The following TXNRD3 variants were observed in gnomAD, a reference collection of about 807,000 sequenced individuals.
TXNRD3 encodes the protein thioredoxin reductase 3, also known as TXNRD3 neighbor gene protein.
Under a neutral mutation model 78.2 loss-of-function variants are expected in TXNRD3, and 68 were observed. The observed-to-expected ratio is 0.87, with a 90% CI of 0.72 to 1.06. TXNRD3 has a LOEUF of 1.06. TXNRD3 is among the 50% of genes least tolerant of loss of function. TXNRD3 has a pLI of 0.00. For synonymous variants in TXNRD3, 296 were observed against 300.1 expected, an observed-to-expected ratio of 0.99 and a Z score of 0.14; for missense variants, 751 against 809.5, an observed-to-expected ratio of 0.93 and a Z score of 0.88.
At chr3:126,608,383 T>A in intron 15 of TXNRD3, 116 bp downstream of exon 15, 2 of 1,162,950 alleles carry the variant, frequency 1.7e-6, no homozygotes, top group South Asian at 4.2e-5. Flanking sequence ...TGAAATAAAA[T>A]AAATTTAAAA....
Position 126,633,810 on chromosome 3 carries a change from T to C in TXNRD3, c.855+99A>G. On this transcript the variant is annotated intron_variant, in intron 7 of 15. Coordinates refer to ENST00000524230, the MANE Select transcript of TXNRD3 (RefSeq NM_052883.3). ...GTGTGTGTGTGTGTGCACGCACGCC[T>C]GTTACACCCCTTAACATGCAACATG... 4.2e-6 allele frequency: 4 copies of C among 956,834 alleles called. No homozygotes were observed. In the South Asian group the frequency reaches 1.1e-4, roughly 27 times the overall value. The allele number at this position is 956,834 out of a possible 1,614,324, so 59.3% of individuals were successfully genotyped here.
At chr3:126,635,918 T>G (rs923274034) in intron 6 of TXNRD3, among the ~76,000 whole-genome samples, 5 of 151,996 alleles carry the variant, frequency 3.3e-5, no homozygotes, top group Non-Finnish European at 7.4e-5. Flanking sequence ...CACACACACA[T>G]ATATACAAAC....
In TXNRD3 at chr3:126,654,856, G is replaced by A; in HGVS notation, c.135C>T (p.Pro45=). The stretch of plus-strand genomic sequence containing the variant: ...CCTCGCGGGCCTCGGACGAGCGGCT[G>A]GGCCCGGGGGACGACAGGCGGGCAC... The change falls in exon 1 of 16, where the codon CCC becomes CCT. Residue 45 remains proline, a synonymous_variant. Transcript: ENST00000524230. 1 of 1,349,002 alleles carries A rather than the reference G, an allele frequency of 7.4e-7. No homozygotes were observed. Among genetic ancestry groups the A allele is most frequent in the Non-Finnish European group, 9.5e-7 (1 of 1,057,356 alleles). The allele number at this position is 1,349,002 out of a possible 1,614,324, so 83.6% of individuals were successfully genotyped here.
At chr3:126,643,151 A>G (rs562477864) in intron 5 of TXNRD3, among the ~76,000 whole-genome samples, 149 of 152,012 alleles carry the variant, frequency 9.8e-4, no homozygotes, top group African/African-American at 3.4e-3. Context: ...TAAAATCCCA[A>G]CTCCACTCTT....
At chr3:126,627,002 C>T (rs889099161) in intron 10 of TXNRD3, among the ~76,000 whole-genome samples, 4 of 151,976 alleles carry the variant, frequency 2.6e-5, no homozygotes, top group Non-Finnish European at 1.5e-5. Context: ...TTGGGAGGAT[C>T]ATTTGAGCCA....
chr3:126,622,039 G>T, intron 11 of TXNRD3, 141 bp from the exon 12 acceptor site: 1 of 640,280 alleles, frequency 1.6e-6, no homozygotes, highest in Non-Finnish European at 2.4e-6. Context: ...TATATATAAG[G>T]TCAATGACTT....
Position 126,628,476 on chromosome 3 carries a change from T to A in TXNRD3, c.1290+903A>T, listed in dbSNP as rs371649445. ...ATTTTTCAGTAAGAGTTTAGCAAGATTACTGAATACTAAATCAAAACACAA... is the reference window on the plus strand; with the variant it reads ...ATTTTTCAGTAAGAGTTTAGCAAGAATACTGAATACTAAATCAAAACACAA... On this transcript the variant is annotated intron_variant, in intron 10 of 15. Transcript: ENST00000524230. Among the ~76,000 whole-genome samples, 7 of 152,224 alleles carry A rather than the reference T, an allele frequency of 4.6e-5. No individual in the cohort carries two copies. The South Asian group carries it at 8.3e-4, about 18-fold the overall frequency.
chr3:126,632,391 T>C (rs1365013868), intron 7 of TXNRD3, among the ~76,000 whole-genome samples: 1 of 152,090 alleles, frequency 6.6e-6, no homozygotes, highest in Non-Finnish European at 1.5e-5. Context: ...AAATACATTT[T>C]CATTTTAAAA....
At chr3:126,650,370 C>T (rs1038773259) in intron 1 of TXNRD3, among the ~76,000 whole-genome samples, 2 of 149,620 alleles carry the variant, frequency 1.3e-5, no homozygotes, top group East Asian at 2.0e-4. Context: ...TGGCCAGGCA[C>T]GGTGGCTCAC....
chr3:126,654,687 G>A (rs1478822908), intron 1 of TXNRD3, 61 bp downstream of exon 1: 10 of 1,154,602 alleles, frequency 8.7e-6, no homozygotes, highest in South Asian at 3.8e-5. Flanking sequence ...GCCCTGCCCC[G>A]GGTGGCGTCC....
intron 10 of TXNRD3, among the ~76,000 whole-genome samples, chr3:126,622,790 A>T (rs1224900251): frequency 6.6e-6 from 1 of 152,194 alleles, no homozygotes; most frequent in African/African-American, 2.4e-5. Context: ...CCTATCTCTA[A>T]GTACCTCCAA....
rs1157007406 is a variant in TXNRD3, at chr3:126,646,150, C to T, written c.375G>A (p.Val125=). 3 of 1,533,702 alleles carry T rather than the reference C, an allele frequency of 2.0e-6. No homozygotes were observed. The highest frequency in any genetic ancestry group is 2.6e-6 in the Non-Finnish European group (3 of 1,145,972). The change falls in exon 3 of 16, where the codon GTG becomes GTA. Residue 125 remains valine, a synonymous_variant. Coordinates refer to ENST00000524230, the MANE Select transcript of TXNRD3 (RefSeq NM_052883.3). ...CACATCCACCTACATGCACTTTATTCACGAAAATATTGGGCACAGTTTTCT... is the reference window on the plus strand; with the variant it reads ...CACATCCACCTACATGCACTTTATTTACGAAAATATTGGGCACAGTTTTCT...
At position 126,607,146 on chromosome 3, in the gene TXNRD3, T is replaced by C. The variant is rs565401822; in HGVS notation, c.*759A>G. ...AGTTAGATTTCACATAATACAGTATTAAAAACTTTTGGAAATAATACTATT... is the reference window on the plus strand; with the variant it reads ...AGTTAGATTTCACATAATACAGTATCAAAAACTTTTGGAAATAATACTATT... On this transcript the variant is annotated 3_prime_UTR_variant, in exon 16 of 16. Coordinates refer to ENST00000524230, the MANE Select transcript of TXNRD3 (RefSeq NM_052883.3). The C allele has an allele frequency of 8.4e-4, 128 of 152,344 alleles. No individual in the cohort carries two copies. The highest frequency in any genetic ancestry group is 3.0e-3 in the African/African-American group (124 of 41,576). 9.4% of individuals were successfully genotyped at this position (152,344 alleles called of 1,614,324 possible).
At chr3:126,627,833 A>G (rs1383203457) in intron 10 of TXNRD3, among the ~76,000 whole-genome samples, 1 of 152,230 alleles carries the variant, frequency 6.6e-6, no homozygotes, top group Non-Finnish European at 1.5e-5. Flanking sequence ...GCCAGAAAAC[A>G]GGAAATGAGG....
intron 6 of TXNRD3, among the ~76,000 whole-genome samples, chr3:126,636,146 C>T (rs1212486411): frequency 1.3e-5 from 2 of 152,052 alleles, no homozygotes; most frequent in Non-Finnish European, 2.9e-5. Context: ...CTATGTTGCC[C>T]AGGCTAGTCT....
chr3:126,632,455 G>A (rs1335363383), intron 7 of TXNRD3, among the ~76,000 whole-genome samples: 2 of 152,000 alleles, frequency 1.3e-5, no homozygotes, highest in South Asian at 2.1e-4. Flanking sequence ...TCAGGAGTTC[G>A]AGACCAGCCT....
At chr3:126,628,880 T>G (rs1938643264) in intron 10 of TXNRD3, among the ~76,000 whole-genome samples, 1 of 152,096 alleles carries the variant, frequency 6.6e-6, no homozygotes, top group Non-Finnish European at 1.5e-5. Flanking sequence ...CTGAAAAAAT[T>G]TCTACATAAA....
chr3:126,633,087 G>A (rs2107619886), intron 7 of TXNRD3, among the ~76,000 whole-genome samples: 1 of 152,232 alleles, frequency 6.6e-6, no homozygotes, highest in South Asian at 2.1e-4. Flanking sequence ...TTTTAGGGGT[G>A]AAATATATCT....
At chr3:126,634,294 T>C (rs1938796625) in intron 6 of TXNRD3, among the ~76,000 whole-genome samples, 1 of 151,886 alleles carries the variant, frequency 6.6e-6, no homozygotes, top group Non-Finnish European at 1.5e-5. Flanking sequence ...GAGGAGAAAA[T>C]GGGGAAACTG....
Sources: gnomAD v4.1 joint callset for allele counts (sites outside exome capture counted in the v4.1 genomes callset) on GRCh38, gnomAD v4.1.1 for gene constraint, MANE v1.5 for transcripts, NCBI Gene and HGNC (gene_info 2026-07-23, HGNC 2026-07-21) for gene names.